LDLRAD3: variants seen among roughly 807,000 people sequenced by gnomAD.
The protein encoded by LDLRAD3 is low density lipoprotein receptor class A domain containing 3.
A neutral mutation model predicts 29.4 loss-of-function variants in LDLRAD3; 20 were observed. That is an observed-to-expected ratio of 0.68 (90% CI 0.48 to 0.99). The LOEUF (loss-of-function observed/expected upper bound fraction) is 0.99. Ranked by LOEUF, LDLRAD3 falls within the 50% of genes least tolerant of loss-of-function variation. LDLRAD3 has a pLI of 0.00. For missense variants in LDLRAD3, 420 were observed against 454.3 expected (o/e 0.92, Z 0.69); for synonymous variants, 157 against 192.7 (o/e 0.81, Z 1.53).
chr11:36,028,102 G>T (rs1852190505), intron 1 of LDLRAD3, among the ~76,000 whole-genome samples: 1 of 152,196 alleles, frequency 6.6e-6, no homozygotes, highest in African/African-American at 2.4e-5. Context: ...TTACTCCTGG[G>T]AGCCCAGAAG....
intron 2 of LDLRAD3, among the ~76,000 whole-genome samples, chr11:36,077,449 C>G (rs1853032348): frequency 6.6e-6 from 1 of 152,200 alleles, no homozygotes; most frequent in African/African-American, 2.4e-5. Flanking sequence ...ACCTGGCAGG[C>G]TGCGTTCGGC....
At chr11:36,006,775 G>T (rs192613399) in intron 1 of LDLRAD3, among the ~76,000 whole-genome samples, 224 of 152,378 alleles carry the variant, frequency 1.5e-3, no homozygotes, top group African/African-American at 5.0e-3. Flanking sequence ...TGCATAAATA[G>T]TGCTCCACTG....
At chr11:36,097,069 C>A (rs1198083096) in intron 3 of LDLRAD3, among the ~76,000 whole-genome samples, 1 of 152,108 alleles carries the variant, frequency 6.6e-6, no homozygotes, top group East Asian at 1.9e-4. Flanking sequence ...TTTGTGCTGA[C>A]CTTGTACTGG....
chr11:36,188,627 A>G (rs376178906), intron 4 of LDLRAD3, among the ~76,000 whole-genome samples: 2 of 152,300 alleles, frequency 1.3e-5, no homozygotes, highest in East Asian at 1.9e-4. Context: ...TTCCTTCCCT[A>G]TGCTACACAG....
intron 3 of LDLRAD3, among the ~76,000 whole-genome samples, chr11:36,085,671 G>A (rs1303342133): frequency 6.6e-6 from 1 of 152,022 alleles, no homozygotes; most frequent in South Asian, 2.1e-4. Flanking sequence ...GAGTGCAGTG[G>A]TGCGATCATG....
chr11:36,161,840 G>A (rs878939940), intron 4 of LDLRAD3, among the ~76,000 whole-genome samples: 1 of 152,192 alleles, frequency 6.6e-6, no homozygotes, highest in Admixed American at 6.5e-5. Flanking sequence ...TGTGTGCCCT[G>A]CTGTACTTAA....
At chr11:36,149,835 T>A (rs1419574860) in intron 4 of LDLRAD3, among the ~76,000 whole-genome samples, 1 of 152,176 alleles carries the variant, frequency 6.6e-6, no homozygotes, top group African/African-American at 2.4e-5. Flanking sequence ...CGTCTGTTCC[T>A]CATGACTCAT....
intron 4 of LDLRAD3, among the ~76,000 whole-genome samples, chr11:36,100,896 C>A (rs1029837625): frequency 6.6e-6 from 1 of 152,200 alleles, no homozygotes; most frequent in African/African-American, 2.4e-5. Context: ...TTTACTGAAG[C>A]AGATTTTTGC....
At chr11:36,058,386 A>G (rs145497382) in intron 2 of LDLRAD3, among the ~76,000 whole-genome samples, 197 of 152,220 alleles carry the variant, frequency 1.3e-3, no homozygotes, top group African/African-American at 4.4e-3. Context: ...GACCTACTTT[A>G]TCAACTCCAT....
At chr11:35,952,279 C>A (rs1448573431) in intron 1 of LDLRAD3, among the ~76,000 whole-genome samples, 1 of 152,144 alleles carries the variant, frequency 6.6e-6, no homozygotes, top group Non-Finnish European at 1.5e-5. Context: ...AATAGAAATC[C>A]AAGTCTGTAT....
intron 4 of LDLRAD3, among the ~76,000 whole-genome samples, chr11:36,133,368 CTT>C: frequency 1.4e-4 from 1 of 7,050 alleles, no homozygotes; most frequent in Non-Finnish European, 3.6e-4. Context: ...CTTTTCTTTT[CTT>C]TTCTTTTCTT....
intron 4 of LDLRAD3, among the ~76,000 whole-genome samples, chr11:36,204,267 G>T (rs755014259): frequency 6.6e-6 from 1 of 152,114 alleles, no homozygotes; most frequent in Non-Finnish European, 1.5e-5. Context: ...AAGGGGGTCA[G>T]GTCCAAGCCA....
At chr11:36,049,411 A>G (rs1852497478) in intron 2 of LDLRAD3, among the ~76,000 whole-genome samples, 1 of 152,258 alleles carries the variant, frequency 6.6e-6, no homozygotes, top group Non-Finnish European at 1.5e-5. Context: ...TGGTGCATTC[A>G]TATAATGCAG....
chr11:36,170,357 T>C (rs1854580708), intron 4 of LDLRAD3, among the ~76,000 whole-genome samples: 1 of 150,840 alleles, frequency 6.6e-6, no homozygotes, highest in South Asian at 2.1e-4. Flanking sequence ...TATACATATA[T>C]ATACACACAC....
chr11:36,069,369 A>G (rs7952591), intron 2 of LDLRAD3, among the ~76,000 whole-genome samples: 30,066 of 152,194 alleles, frequency 0.2, 3,086 homozygotes, highest in African/African-American at 0.23. Context: ...CAAAGGAACC[A>G]CAGTTTGACC....
chr11:36,115,819 G>A (rs1459248881), intron 4 of LDLRAD3, among the ~76,000 whole-genome samples: 1 of 152,190 alleles, frequency 6.6e-6, no homozygotes, highest in Non-Finnish European at 1.5e-5. Context: ...TAGGCATGGA[G>A]GATATGGAGG....
At chr11:36,040,134 C>T (rs1852361412) in intron 2 of LDLRAD3, among the ~76,000 whole-genome samples, 1 of 151,408 alleles carries the variant, frequency 6.6e-6, no homozygotes. Flanking sequence ...TTCAAGTGCC[C>T]TGTGGAGCTT....
chr11:36,081,575 A>C, intron 2 of LDLRAD3, 78 bp from the exon 3 acceptor site: 1 of 1,570,594 alleles, frequency 6.4e-7, no homozygotes, highest in Non-Finnish European at 8.7e-7. Flanking sequence ...TCATTTTCAC[A>C]TTCAGTGTTA....
At chr11:36,226,114 T>C (rs1855495424) in intron 4 of LDLRAD3, among the ~76,000 whole-genome samples, 1 of 152,140 alleles carries the variant, frequency 6.6e-6, no homozygotes, top group Non-Finnish European at 1.5e-5. Context: ...TGTACTTGTA[T>C]GTACCGAACA....
Sources: gnomAD v4.1 joint callset for allele counts (sites outside exome capture counted in the v4.1 genomes callset) on GRCh38, gnomAD v4.1.1 for gene constraint, MANE v1.5 for transcripts, NCBI Gene and HGNC (gene_info 2026-07-23, HGNC 2026-07-21) for gene names.